RMI1: variants seen among roughly 807,000 people sequenced by gnomAD.
The protein encoded by RMI1 is RecQ mediated genome instability 1.
A neutral mutation model predicts 46.7 loss-of-function variants in RMI1; 36 were observed. The observed-to-expected ratio is 0.77, with a 90% CI of 0.59 to 1.02. The LOEUF (loss-of-function observed/expected upper bound fraction) is 1.02, where lower values mean the gene tolerates loss of function less well. Ranked by LOEUF, RMI1 falls within the 50% of genes least tolerant of loss-of-function variation. The probability of loss-of-function intolerance (pLI) is 0.00; values close to 1 mark genes in which losing one functional copy is unlikely to be tolerated. For missense variants in RMI1, 676 were observed against 713.7 expected, an observed-to-expected ratio of 0.95 and a Z score of 0.60; for synonymous variants, 250 against 252.9, an observed-to-expected ratio of 0.99 and a Z score of 0.11.
rs1449973778 is a variant in RMI1, at chr9:84,001,372, C to T, written c.386C>T (p.Ala129Val). ...EAQVTPKPWEAKPSRMLMLQL... is the reference protein window; with the variant it reads ...EAQVTPKPWEVKPSRMLMLQL... The stretch of plus-strand genomic sequence containing the variant: ...CAAGTAACCCCAAAACCTTGGGAAG[C>T]AAAGCCTTCACGAATGTTGATGCTG... The change falls in exon 3 of 3, where the codon GCA becomes GTA. Residue 129 changes from alanine (A) to valine (V), a missense_variant. By Grantham distance (64) the Ala-to-Val change is moderately conservative. Transcript: ENST00000445877. 4 of 1,614,098 alleles carry T rather than the reference C, an allele frequency of 2.5e-6. No individual in the cohort carries two copies. The highest frequency in any genetic ancestry group is 1.6e-4 in the Middle Eastern group (1 of 6,062).
chr9:83,999,395 G>A (rs142600039), intron 1 of RMI1, among the ~76,000 whole-genome samples: 8 of 152,234 alleles, frequency 5.3e-5, no homozygotes, highest in African/African-American at 1.9e-4. Context: ...ATAAGGATAA[G>A]TAGGATATCA....
intron 1 of RMI1, among the ~76,000 whole-genome samples, chr9:83,995,106 TCTC>T (rs1395060218): frequency 4.6e-5 from 7 of 151,992 alleles, no homozygotes; most frequent in Non-Finnish European, 1.0e-4. Context: ...TTCAAGCCAT[TCTC>T]CTGCCTAAGC....
intron 1 of RMI1, among the ~76,000 whole-genome samples, chr9:83,992,741 CTT>C (rs1008175925): frequency 2.0e-5 from 3 of 152,070 alleles, no homozygotes; most frequent in Admixed American, 6.6e-5. Flanking sequence ...GTAAAATTGA[CTT>C]TTGTGCTATA....
chr9:83,984,272 C>T (rs912077566), intron 1 of RMI1, among the ~76,000 whole-genome samples: 17 of 143,080 alleles, frequency 1.2e-4, no homozygotes, highest in African/African-American at 3.9e-4. Context: ...ATGAACATAC[C>T]TTTTTTTTTT....
intron 1 of RMI1, among the ~76,000 whole-genome samples, chr9:83,982,683 A>C (rs894708698): frequency 4.6e-5 from 7 of 150,788 alleles, no homozygotes; most frequent in African/African-American, 1.7e-4. Context: ...CAAAAACAAA[A>C]ACAAAAAAAA....
intron 1 of RMI1, among the ~76,000 whole-genome samples, chr9:83,998,961 C>T (rs1311358701): frequency 2.0e-5 from 3 of 151,864 alleles, no homozygotes; most frequent in Non-Finnish European, 2.9e-5. Flanking sequence ...GCCAACATGG[C>T]GAAACCCTGT....
At position 84,001,819 on chromosome 9, in the gene RMI1, T is replaced by C. The variant is rs1332199436; in HGVS notation, c.833T>C (p.Ile278Thr). The C allele has an allele frequency of 5.0e-6, 8 of 1,614,098 alleles. No homozygotes were observed. The highest frequency in any genetic ancestry group is 6.8e-6 in the Non-Finnish European group (8 of 1,179,958). The change falls in exon 3 of 3, where the codon ATT becomes ACT. Residue 278 changes from isoleucine to threonine, a missense_variant. Transcript: ENST00000445877. ...ACCACAGGTAGTTCCTCAAATACCA[T>C]TCCCACAAGACAGTCAAGTTTTGAG... ...CFTTGSSSNT[I>T]PTRQSSFEPE...
chr9:83,988,340 A>G (rs868273501), intron 1 of RMI1, among the ~76,000 whole-genome samples: 16 of 151,962 alleles, frequency 1.1e-4, no homozygotes, highest in African/African-American at 3.6e-4. Flanking sequence ...GTCTTGCTCT[A>G]TCGCCCAAGC....
At position 84,002,734 on chromosome 9, in the gene RMI1, G is replaced by A; in HGVS notation, c.1748G>A (p.Arg583Lys). The part of the protein sequence containing the change: ...KFLEGLQKCQ[R>K]DLIDLCCLMT... The stretch of plus-strand genomic sequence containing the variant: ...CTGGAAGGGTTGCAGAAATGTCAAA[G>A]AGATCTAATAGATTTGTGCTGTCTA... The change falls in exon 3 of 3, where the codon AGA (arginine) becomes AAA (lysine). Residue 583 changes from arginine to lysine, a missense_variant. Coordinates refer to ENST00000445877, the MANE Select transcript of RMI1 (RefSeq NM_001358291.2). 6.2e-7 allele frequency: 1 copy of A among 1,613,850 alleles called. No individual in the cohort carries two copies. Among genetic ancestry groups the A allele is most frequent in the Non-Finnish European group, 8.5e-7 (1 of 1,179,888 alleles).
At chr9:84,000,393 C>T (rs1221639370) in intron 2 of RMI1, among the ~76,000 whole-genome samples, 1 of 152,042 alleles carries the variant, frequency 6.6e-6, no homozygotes, top group Non-Finnish European at 1.5e-5. Flanking sequence ...TGGATCATCC[C>T]TTTGTCCAGC....
chr9:83,985,240 C>T (rs920016277), intron 1 of RMI1, among the ~76,000 whole-genome samples: 4 of 152,156 alleles, frequency 2.6e-5, no homozygotes, highest in Non-Finnish European at 4.4e-5. Flanking sequence ...TAACCTATTA[C>T]ACATCATCTT....
intron 1 of RMI1, among the ~76,000 whole-genome samples, chr9:83,987,831 C>T (rs939161789): frequency 1.3e-5 from 2 of 152,022 alleles, no homozygotes; most frequent in Non-Finnish European, 2.9e-5. Context: ...AAATAGTATT[C>T]CATTGTATGG....
At chr9:83,987,720 T>C (rs888341424) in intron 1 of RMI1, among the ~76,000 whole-genome samples, 1 of 152,258 alleles carries the variant, frequency 6.6e-6, no homozygotes, top group African/African-American at 2.4e-5. Context: ...GTGTTGCATT[T>C]TTCCAGAATG....
chr9:83,991,053 C>T (rs1314711161), intron 1 of RMI1, among the ~76,000 whole-genome samples: 5 of 152,096 alleles, frequency 3.3e-5, no homozygotes, highest in African/African-American at 7.2e-5. Context: ...GTGATCCACC[C>T]GCCTCAGCCT....
intron 1 of RMI1, among the ~76,000 whole-genome samples, chr9:83,990,732 A>T (rs1002940266): frequency 1.3e-5 from 2 of 152,142 alleles, no homozygotes; most frequent in African/African-American, 4.8e-5. Flanking sequence ...CTCCATATAT[A>T]TGTAGGTTAT....
At chr9:83,984,034 A>G (rs902614772) in intron 1 of RMI1, among the ~76,000 whole-genome samples, 4 of 152,086 alleles carry the variant, frequency 2.6e-5, no homozygotes, top group Admixed American at 2.0e-4. Context: ...ACTCAGTGGT[A>G]AACTCTCTGC....
chr9:83,994,564 C>T (rs1190196689), intron 1 of RMI1, among the ~76,000 whole-genome samples: 1 of 152,136 alleles, frequency 6.6e-6, no homozygotes, highest in Non-Finnish European at 1.5e-5. Flanking sequence ...ATCGTTTTTC[C>T]ATTGTGGAGT....
rs1957775388 is a variant in RMI1, at chr9:84,004,011, T to A, written c.*1147T>A. ...GGTAATGTTGTTTTTATTAATCTTT[T>A]GTCTTAAAATAATTTAAAGTGCTTT... On this transcript the variant is annotated 3_prime_UTR_variant, in exon 3 of 3. Transcript: ENST00000445877. 1 of 161,420 alleles carries A rather than the reference T, an allele frequency of 6.2e-6. No homozygotes were observed. 10.0% of individuals were successfully genotyped at this position (161,420 alleles called of 1,614,324 possible). A position where few individuals can be genotyped will look rare whatever the true frequency, so the allele number is the denominator to read the frequency against.
chr9:84,001,688 T>G lies in RMI1; in HGVS notation c.702T>G (p.Asp234Glu), dbSNP rs781278969. The G allele has an allele frequency of 1.9e-6, 3 of 1,613,966 alleles. No individual in the cohort carries two copies. The Admixed American group carries it at 5.0e-5, about 27-fold the overall frequency. The change falls in exon 3 of 3, where the codon GAT (aspartate) becomes GAG (glutamate). Residue 234 changes from aspartate to glutamate, a missense_variant. Asp to Glu is a conservative substitution (Grantham distance 45). Coordinates refer to ENST00000445877, the MANE Select transcript of RMI1 (RefSeq NM_001358291.2). ...ACGAAAACATTCCCAGAGTTACAGA[T>G]GTTCTAGATCCTGCATTAGGTCCTT... ...NSNENIPRVT[D>E]VLDPALGPSD...
Sources: gnomAD v4.1 joint callset for allele counts (sites outside exome capture counted in the v4.1 genomes callset) on GRCh38, gnomAD v4.1.1 for gene constraint, MANE v1.5 for transcripts, NCBI Gene and HGNC (gene_info 2026-07-23, HGNC 2026-07-21) for gene names.